NLGN1: variants seen among roughly 807,000 people sequenced by gnomAD.
The protein encoded by NLGN1 is neuroligin 1, also known as neuroligin-1.
NLGN1 carries 12 observed loss-of-function variants against 65.5 expected under a neutral mutation model. The ratio of observed to expected loss-of-function variants is 0.18; its 90% CI spans 0.12 to 0.30. The LOEUF (loss-of-function observed/expected upper bound fraction) is 0.30. NLGN1 is among the 10% of genes least tolerant of loss of function. NLGN1 has a pLI of 1.00. For missense variants in NLGN1, 750 were observed against 1,007.1 expected (o/e 0.74, Z 3.46); for synonymous variants, 350 against 359.5 (o/e 0.97, Z 0.30).
At chr3:173,635,173 C>A (rs1292528793) in intron 3 of NLGN1, among the ~76,000 whole-genome samples, 2 of 152,008 alleles carry the variant, frequency 1.3e-5, no homozygotes. Flanking sequence ...TTCCCACCTG[C>A]CCTTTGCTTC....
chr3:173,448,929 T>TG, intron 2 of NLGN1, among the ~76,000 whole-genome samples: 1 of 152,354 alleles, frequency 6.6e-6, no homozygotes, highest in East Asian at 1.9e-4. Flanking sequence ...CATTTTTTAT[T>TG]GCATCTATTT....
intron 2 of NLGN1, among the ~76,000 whole-genome samples, chr3:173,445,521 A>AC (rs1720106343): frequency 6.6e-6 from 1 of 152,240 alleles, no homozygotes; most frequent in Non-Finnish European, 1.5e-5. Context: ...CATAGCTAGT[A>AC]CATGGCTGAA....
intron 1 of NLGN1, among the ~76,000 whole-genome samples, chr3:173,402,578 A>G (rs1484494129): frequency 6.6e-6 from 1 of 152,148 alleles, no homozygotes; most frequent in East Asian, 1.9e-4. Flanking sequence ...CAAGGATGTC[A>G]TGGCTCTGGT....
At chr3:173,826,801 A>G (rs1475093842) in intron 4 of NLGN1, among the ~76,000 whole-genome samples, 1 of 152,084 alleles carries the variant, frequency 6.6e-6, no homozygotes, top group Non-Finnish European at 1.5e-5. Context: ...TCTCCCATCT[A>G]TTGAACAAGT....
rs1405564926 is a variant in NLGN1, at chr3:174,281,122, T to C, written c.2291T>C (p.Leu764Pro). 13 of 1,613,336 alleles carry C rather than the reference T, an allele frequency of 8.1e-6. No individual in the cohort carries two copies. In the South Asian group the frequency reaches 1.4e-4, roughly 18 times the overall value. Residue 764 changes from leucine (L) to proline (P), a missense_variant, in exon 7 of 7, where the codon CTA becomes CCA. Leu to Pro is a moderately conservative substitution (Grantham distance 98). Transcript: ENST00000457714. ...ACCGCCTGTCCCCCAGATTACACAC[T>C]AGCTATGAGGAGGTCACCTGATGAT...
At chr3:173,694,794 T>C (rs555340420) in intron 3 of NLGN1, among the ~76,000 whole-genome samples, 4 of 152,314 alleles carry the variant, frequency 2.6e-5, no homozygotes, top group African/African-American at 9.6e-5. Flanking sequence ...TGTTGCCTTT[T>C]ATTGACTGTG....
rs764261121 is a variant in NLGN1, at chr3:174,087,942, T to A, written c.647-187373T>A. Among the ~76,000 whole-genome samples the A allele has an allele frequency of 2.6e-5, 4 of 152,352 alleles. 1 individual carries two copies. The East Asian group carries it at 5.8e-4, about 22-fold the overall frequency. On this transcript the variant is annotated intron_variant, in intron 4 of 6. Coordinates refer to ENST00000457714, the Ensembl canonical transcript of NLGN1. Reference sequence around the variant, plus strand: ...TGCTTTGTATTCCTGCAATATGGCATCATTTGCTGCTCAGGGCAGAGACTT... The same window carrying A: ...TGCTTTGTATTCCTGCAATATGGCAACATTTGCTGCTCAGGGCAGAGACTT...
chr3:173,748,077 G>A (rs892824044), intron 3 of NLGN1, among the ~76,000 whole-genome samples: 1 of 151,766 alleles, frequency 6.6e-6, no homozygotes, highest in African/African-American at 2.4e-5. Context: ...TGGGACTATA[G>A]GCATGAGCCA....
chr3:173,865,072 A>G (rs1729867161), intron 4 of NLGN1, among the ~76,000 whole-genome samples: 1 of 152,210 alleles, frequency 6.6e-6, no homozygotes, highest in Admixed American at 6.5e-5. Flanking sequence ...GTGGTCTGGT[A>G]CTAATGCCAG....
intron 2 of NLGN1, among the ~76,000 whole-genome samples, chr3:173,527,411 T>G (rs1338109778): frequency 6.6e-6 from 1 of 152,250 alleles, no homozygotes; most frequent in Admixed American, 6.5e-5. Flanking sequence ...TTTTTCTTTT[T>G]TTTTGAGACG....
At chr3:173,609,238 A>T (rs58616262) in intron 3 of NLGN1, among the ~76,000 whole-genome samples, 4,310 of 152,092 alleles carry the variant, frequency 0.028, 208 homozygotes, top group African/African-American at 0.099. Context: ...CTCTTCTAAG[A>T]TGGATACAGA....
In NLGN1 at chr3:173,944,597, C is replaced by T. The variant is rs183634364; in HGVS notation, c.646+136765C>T. Among the ~76,000 whole-genome samples the T allele has an allele frequency of 3.7e-3, 567 of 152,118 alleles. 7 individuals carry two copies. Among genetic ancestry groups the T allele is most frequent in the Middle Eastern group, 0.01 (3 of 294 alleles). On this transcript the variant is annotated intron_variant, in intron 4 of 6. Coordinates refer to ENST00000457714, the Ensembl canonical transcript of NLGN1. ...AGAAGGAATGGAAATATGATTCAAGCTAGAAAAAAGGATGATTCCAATCAA... is the reference window on the plus strand; with the variant it reads ...AGAAGGAATGGAAATATGATTCAAGTTAGAAAAAAGGATGATTCCAATCAA...
intron 3 of NLGN1, among the ~76,000 whole-genome samples, chr3:173,699,400 C>G (rs1039205583): frequency 2.0e-5 from 3 of 152,178 alleles, no homozygotes; most frequent in African/African-American, 7.2e-5. Flanking sequence ...AAGCTCTTCT[C>G]TCTTGGTTTG....
chr3:174,005,102 T>C (rs1421852747), intron 4 of NLGN1, among the ~76,000 whole-genome samples: 1 of 152,200 alleles, frequency 6.6e-6, no homozygotes, highest in African/African-American at 2.4e-5. Flanking sequence ...CATTTATTAA[T>C]GTGACTTTGC....
intron 4 of NLGN1, among the ~76,000 whole-genome samples, chr3:174,217,773 G>C: frequency 1.3e-5 from 2 of 151,900 alleles, no homozygotes; most frequent in African/African-American, 2.4e-5. Flanking sequence ...AAGGCACCTA[G>C]AATGAAGTCG....
chr3:173,761,752 G>A (rs912067964), intron 3 of NLGN1, among the ~76,000 whole-genome samples: 22 of 152,116 alleles, frequency 1.4e-4, no homozygotes, highest in African/African-American at 2.2e-4. Flanking sequence ...CATTATATGC[G>A]TTGGATGCTC....
intron 4 of NLGN1, among the ~76,000 whole-genome samples, chr3:173,993,220 T>C (rs961551558): frequency 6.6e-6 from 1 of 152,172 alleles, no homozygotes; most frequent in Non-Finnish European, 1.5e-5. Context: ...AGAAATGTCT[T>C]AAATGTGTTG....
chr3:173,422,766 C>A (rs1320007785), intron 1 of NLGN1, among the ~76,000 whole-genome samples: 1 of 151,998 alleles, frequency 6.6e-6, no homozygotes, highest in Non-Finnish European at 1.5e-5. Context: ...TGTATGTCTT[C>A]TTTTTAGAAA....
chr3:173,689,239 A>C (rs151160718), intron 3 of NLGN1, among the ~76,000 whole-genome samples: 166 of 152,282 alleles, frequency 1.1e-3, no homozygotes, highest in African/African-American at 3.4e-3. Flanking sequence ...TGGCGAAATC[A>C]AACCCAACAT....
Sources: allele counts gnomAD v4.1 joint callset (sites outside exome capture counted in the v4.1 genomes callset), GRCh38; gene constraint gnomAD v4.1.1; transcripts MANE v1.5; gene names NCBI Gene and HGNC (gene_info 2026-07-23, HGNC 2026-07-21).